The following RBFOX1 variants were observed in gnomAD, a reference collection of about 807,000 sequenced individuals.
The protein encoded by RBFOX1 is RNA binding protein fox-1 homolog 1.
A neutral mutation model predicts 57.7 loss-of-function variants in RBFOX1; 8 were observed. That is an observed-to-expected ratio of 0.14 (90% confidence interval 0.08 to 0.25). The LOEUF (loss-of-function observed/expected upper bound fraction) is 0.25, where lower values mean the gene tolerates loss of function less well. RBFOX1 is among the 10% of genes least tolerant of loss of function. The pLI is 1.00. For synonymous variants in RBFOX1, 326 were observed against 222.4 expected (o/e 1.47, Z -4.15); for missense variants, 611 against 548.5 (o/e 1.11, Z -1.14).
At chr16:6,540,969 C>G (rs887156817) in intron 2 of RBFOX1, among the ~76,000 whole-genome samples, 1 of 152,164 alleles carries the variant, frequency 6.6e-6, no homozygotes, top group South Asian at 2.1e-4. Context: ...CCAGAACCCC[C>G]TAGACATTTC....
At chr16:6,710,871 C>T (rs2063593176) in intron 3 of RBFOX1, among the ~76,000 whole-genome samples, 1 of 152,196 alleles carries the variant, frequency 6.6e-6, no homozygotes, top group Non-Finnish European at 1.5e-5. Flanking sequence ...AAGGGACAGG[C>T]TTCATTTGTG....
intron 3 of RBFOX1, among the ~76,000 whole-genome samples, chr16:6,761,258 C>T (rs976599312): frequency 6.6e-5 from 10 of 152,002 alleles, no homozygotes; most frequent in Non-Finnish European, 8.8e-5. Flanking sequence ...CAATTTAATC[C>T]GTCCGAAGGG....
At chr16:7,104,541 G>T (rs556757510) in intron 4 of RBFOX1, among the ~76,000 whole-genome samples, 1 of 152,054 alleles carries the variant, frequency 6.6e-6, no homozygotes. Context: ...CTAAGATTAC[G>T]CAAATAATTT....
At chr16:7,014,152 T>C (rs1474351348) in intron 3 of RBFOX1, among the ~76,000 whole-genome samples, 1 of 152,142 alleles carries the variant, frequency 6.6e-6, no homozygotes, top group Non-Finnish European at 1.5e-5. Context: ...AAAAGAACTG[T>C]CCAAGGTGCT....
chr16:6,238,749 T>A (rs2097524506), intron 1 of RBFOX1, among the ~76,000 whole-genome samples: 1 of 152,184 alleles, frequency 6.6e-6, no homozygotes, highest in East Asian at 1.9e-4. Context: ...GACTGACTAT[T>A]TTTTTAAAAT....
At chr16:7,175,988 G>A (rs2081570958) in intron 4 of RBFOX1, among the ~76,000 whole-genome samples, 2 of 151,986 alleles carry the variant, frequency 1.3e-5, no homozygotes, top group South Asian at 2.1e-4. Context: ...TATCTGGGAG[G>A]TGCGTGCTTA....
chr16:7,604,907 C>T (rs1012749394), intron 9 of RBFOX1, among the ~76,000 whole-genome samples: 2 of 152,116 alleles, frequency 1.3e-5, no homozygotes, highest in African/African-American at 4.8e-5. Flanking sequence ...ACACCATCTC[C>T]ACTACCAATA....
At chr16:7,692,144 C>A (rs886634420) in intron 14 of RBFOX1, among the ~76,000 whole-genome samples, 1 of 152,096 alleles carries the variant, frequency 6.6e-6, no homozygotes, top group African/African-American at 2.4e-5. Context: ...AGCCCAAAAT[C>A]TTATGTTAAC....
intron 3 of RBFOX1, among the ~76,000 whole-genome samples, chr16:6,974,037 C>T (rs1183889574): frequency 6.6e-6 from 1 of 152,154 alleles, no homozygotes; most frequent in Non-Finnish European, 1.5e-5. Flanking sequence ...ATTTGGTTTT[C>T]TGTTCCTGTG....
chr16:7,273,364 C>G (rs2095377368), intron 4 of RBFOX1, among the ~76,000 whole-genome samples: 2 of 152,002 alleles, frequency 1.3e-5, no homozygotes, highest in South Asian at 2.1e-4. Context: ...TGCATGCTGA[C>G]CAGACCTCCT....
At chr16:6,616,865 G>T (rs551303802) in intron 2 of RBFOX1, among the ~76,000 whole-genome samples, 1 of 152,288 alleles carries the variant, frequency 6.6e-6, no homozygotes, top group African/African-American at 2.4e-5. Context: ...GCCACCTCTA[G>T]CCTCTGTCTG....
At chr16:6,458,142 C>A (rs2094822566) in intron 2 of RBFOX1, among the ~76,000 whole-genome samples, 1 of 152,188 alleles carries the variant, frequency 6.6e-6, no homozygotes, top group South Asian at 2.1e-4. Context: ...GGATTTCCAG[C>A]AGTAACTGTG....
chr16:7,281,337 G>C (rs1020787850), intron 4 of RBFOX1, among the ~76,000 whole-genome samples: 3 of 151,538 alleles, frequency 2.0e-5, no homozygotes, highest in African/African-American at 7.3e-5. Context: ...TTCTGCTTGG[G>C]GGGTAGTTTA....
intron 4 of RBFOX1, among the ~76,000 whole-genome samples, chr16:7,262,680 G>A (rs549027323): frequency 8.5e-5 from 13 of 152,258 alleles, no homozygotes; most frequent in Non-Finnish European, 1.9e-4. Context: ...GGAGGGCGTG[G>A]AGGTGTCCTG....
chr16:5,334,316 G>C (rs557931968), intron 1 of RBFOX1, among the ~76,000 whole-genome samples: 143 of 152,310 alleles, frequency 9.4e-4, no homozygotes, highest in African/African-American at 3.3e-3. Flanking sequence ...TCATGCCGAT[G>C]TTAGCCATTA....
chr16:5,314,230 A>G (rs929706485), intron 1 of RBFOX1, among the ~76,000 whole-genome samples: 6 of 152,170 alleles, frequency 3.9e-5, no homozygotes, highest in African/African-American at 1.2e-4. Context: ...AGCTTAGGCA[A>G]CCCAACTTGC....
intron 1 of RBFOX1, among the ~76,000 whole-genome samples, chr16:6,179,234 G>A (rs1338397767): frequency 6.6e-6 from 1 of 152,246 alleles, no homozygotes. Flanking sequence ...ACTATCCAAC[G>A]CCGAGGGTCC....
chr16:7,307,926 C>T (rs1036109850), intron 4 of RBFOX1, among the ~76,000 whole-genome samples: 2 of 152,204 alleles, frequency 1.3e-5, no homozygotes, highest in Non-Finnish European at 2.9e-5. Context: ...GGTGAATCTT[C>T]TTGAAGCTGA....
chr16:7,265,503 C>G (rs1370724763), intron 4 of RBFOX1, among the ~76,000 whole-genome samples: 4 of 152,040 alleles, frequency 2.6e-5, no homozygotes, highest in African/African-American at 9.7e-5. Context: ...GGCTGGAGTG[C>G]AGTGGCACGA....
Sources: gnomAD v4.1 joint callset for allele counts (sites outside exome capture counted in the v4.1 genomes callset) on GRCh38, gnomAD v4.1.1 for gene constraint, MANE v1.5 for transcripts, NCBI Gene and HGNC (gene_info 2026-07-23, HGNC 2026-07-21) for gene names.